DENND2B: variants seen among roughly 807,000 people sequenced by gnomAD.
DENND2B encodes the protein DENN domain containing 2B, also known as DENN domain-containing protein 2B.
Under a neutral mutation model 116.0 loss-of-function variants are expected in DENND2B, and 32 were observed. The observed-to-expected ratio is 0.28, with a 90% CI of 0.21 to 0.37. The LOEUF (loss-of-function observed/expected upper bound fraction) is 0.37. DENND2B is among the 10% of genes least tolerant of loss of function. The pLI is 1.00. For synonymous variants in DENND2B, 588 were observed against 583.9 expected (o/e 1.01, Z -0.10); for missense variants, 1,276 against 1,477.7 (o/e 0.86, Z 2.24).
intron 1 of DENND2B, among the ~76,000 whole-genome samples, chr11:8,792,110 CA>C (rs35244330): frequency 0.27 from 41,041 of 151,896 alleles, 6,227 homozygotes; most frequent in Middle Eastern, 0.42. Flanking sequence ...GAGGCTGAGG[CA>C]GGAGAATTGC....
intron 1 of DENND2B, among the ~76,000 whole-genome samples, chr11:8,798,680 G>A (rs953303012): frequency 6.6e-6 from 1 of 152,006 alleles, no homozygotes; most frequent in African/African-American, 2.4e-5. Context: ...AGCAGAATAG[G>A]CACCTACATC....
intron 19 of DENND2B, 37 bp downstream of exon 19, chr11:8,695,426 G>T (rs1168734431): frequency 6.3e-7 from 1 of 1,580,658 alleles, no homozygotes; most frequent in Non-Finnish European, 8.7e-7. Flanking sequence ...CTTCCTTCTT[G>T]CTGAACATCT....
At chr11:8,745,955 C>G (rs2051166009) in intron 2 of DENND2B, among the ~76,000 whole-genome samples, 1 of 152,194 alleles carries the variant, frequency 6.6e-6, no homozygotes, top group African/African-American at 2.4e-5. Context: ...CTTGCTGAGC[C>G]CTACCCAAAT....
intron 4 of DENND2B, among the ~76,000 whole-genome samples, chr11:8,837,118 C>T (rs2062459788): frequency 6.6e-6 from 1 of 151,928 alleles, no homozygotes; most frequent in African/African-American, 2.4e-5. Flanking sequence ...TGGAAGAAGC[C>T]AATGCAAATC....
At chr11:8,892,486 T>A (rs2064046560) in intron 1 of DENND2B, among the ~76,000 whole-genome samples, 1 of 151,454 alleles carries the variant, frequency 6.6e-6, no homozygotes, top group Admixed American at 6.6e-5. Context: ...TCAACAAAAT[T>A]GATAGACCAC....
Position 8,694,015 on chromosome 11 carries a change from A to T in DENND2B, c.*81T>A. 12 of 1,519,378 alleles carry T rather than the reference A, an allele frequency of 7.9e-6. No individual in the cohort carries two copies. The highest frequency in any genetic ancestry group is 1.0e-5 in the Non-Finnish European group (11 of 1,103,980). 94.1% of individuals were successfully genotyped at this position (1,519,378 alleles called of 1,614,324 possible). A position where few individuals can be genotyped will look rare whatever the true frequency, so the allele number is the denominator to read the frequency against. On this transcript the variant is annotated 3_prime_UTR_variant, in exon 20 of 20. Coordinates refer to ENST00000313726, the MANE Select transcript of DENND2B (RefSeq NM_213618.2). ...TCTGTGGGGGCAGAGGAGCCACAGC[A>T]GCCCAGAGGGTCCCAGGCTGGGCCT... is the stretch of plus-strand genomic sequence containing the variant.
At chr11:8,844,236 CA>C (rs11334570) in intron 3 of DENND2B, among the ~76,000 whole-genome samples, 60,384 of 151,474 alleles carry the variant, frequency 0.4, 12,383 homozygotes, top group Non-Finnish European at 0.44. Flanking sequence ...CTCAGCTCCA[CA>C]AAAAAATCGA....
At chr11:8,804,547 C>CTTCTT (rs556306412) in intron 1 of DENND2B, among the ~76,000 whole-genome samples, 22 of 129,632 alleles carry the variant, frequency 1.7e-4, no homozygotes, top group Non-Finnish European at 2.7e-4. Flanking sequence ...GCAGCTACTT[C>CTTCTT]TTTTTTTTTT....
rs954154386 is a variant in DENND2B, at chr11:8,707,279, C to T, written c.2431-54G>A. On this transcript the variant is annotated intron_variant, in intron 12 of 19. Transcript: ENST00000313726. This position sits in a 1 kb window ranked among gnomAD's most constrained non-coding sequence, Gnocchi z 4.8. Reference sequence around the variant, plus strand: ...GAAGGGTGTCAGGGCACTGCCCTTCCCCCTCCTGGCAGAGAAGAGGGCAGC... The same window carrying T: ...GAAGGGTGTCAGGGCACTGCCCTTCTCCCTCCTGGCAGAGAAGAGGGCAGC... 46 of 1,567,848 alleles carry T rather than the reference C, an allele frequency of 2.9e-5. No homozygotes were observed. In the African/African-American group the frequency reaches 5.8e-4, roughly 20 times the overall value.
intron 13 of DENND2B, chr11:8,703,499 A>C (rs2042068635): frequency 1.3e-5 from 2 of 152,410 alleles, no homozygotes; most frequent in Non-Finnish European, 2.9e-5. Context: ...TGAGGGCAGG[A>C]GGAACTGCTG....
chr11:8,811,732 T>G (rs569653977), upstream of DENND2B, among the ~76,000 whole-genome samples: 135 of 152,302 alleles, frequency 8.9e-4, no homozygotes, highest in African/African-American at 3.2e-3. Context: ...TTATTTATTA[T>G]TCTTCTTAAA....
intron 3 of DENND2B, among the ~76,000 whole-genome samples, chr11:8,727,958 TACACAAACACACACACACAC>T (rs1166675379): frequency 8.5e-6 from 1 of 117,978 alleles, no homozygotes; most frequent in South Asian, 2.9e-4. Context: ...GCTTGCATTT[TACACAAACACACACACACAC>T]ACACACACAC....
At chr11:8,861,848 T>TA (rs2063403461) in intron 2 of DENND2B, among the ~76,000 whole-genome samples, 2 of 152,018 alleles carry the variant, frequency 1.3e-5, no homozygotes, top group South Asian at 2.1e-4. Flanking sequence ...TACTCAGCCA[T>TA]AAAAAAAGAA....
intron 4 of DENND2B, chr11:8,831,963 A>C (rs2062225237): frequency 6.6e-6 from 1 of 152,060 alleles, no homozygotes; most frequent in Non-Finnish European, 1.5e-5. Flanking sequence ...GGAGACGTCC[A>C]GTTATACCAA....
intron 3 of DENND2B, among the ~76,000 whole-genome samples, chr11:8,840,993 T>G (rs928127583): frequency 1.3e-5 from 2 of 152,116 alleles, no homozygotes; most frequent in African/African-American, 4.8e-5. Context: ...GAAAAAGGCA[T>G]GAAACAAGCT....
intron 1 of DENND2B, among the ~76,000 whole-genome samples, chr11:8,768,363 C>T (rs2056261682): frequency 6.6e-6 from 1 of 152,134 alleles, no homozygotes; most frequent in Admixed American, 6.6e-5. Flanking sequence ...CCTCTTGCCT[C>T]AGCCTCCAGA....
intron 1 of DENND2B, among the ~76,000 whole-genome samples, chr11:8,765,785 C>A (rs1330109838): frequency 6.6e-6 from 1 of 152,028 alleles, no homozygotes; most frequent in Non-Finnish European, 1.5e-5. Flanking sequence ...CCCCTGTAAT[C>A]CTAGTACTTT....
chr11:8,811,061 G>C, upstream of DENND2B: 1 of 380,884 alleles, frequency 2.6e-6, no homozygotes, highest in Non-Finnish European at 4.6e-6. Flanking sequence ...ATCCCTGCCA[G>C]GGGGGAGGGA....
rs1409420944 is a variant in DENND2B at position 8,829,442 on chromosome 11, C to T, written c.-115+9868G>A. 3.3e-5 allele frequency among the ~76,000 whole-genome samples: 5 copies of T among 152,230 alleles called. 1 individual carries two copies. Among genetic ancestry groups the T allele is most frequent in the African/African-American group, 1.2e-4 (5 of 41,520 alleles). On this transcript the variant is annotated intron_variant, in intron 4 of 6. Coordinates refer to the DENND2B transcript ENST00000524757. Reference sequence around the variant, plus strand: ...ACCACACTGGAGACCCGCCAGTCTCCGGGGAGCCCCATTCAGTACTATTCA... The same window carrying T: ...ACCACACTGGAGACCCGCCAGTCTCTGGGGAGCCCCATTCAGTACTATTCA...
Sources: gnomAD v4.1 joint callset for allele counts (sites outside exome capture counted in the v4.1 genomes callset) on GRCh38, gnomAD v4.1.1 for gene constraint, Gnocchi (gnomAD v3.1) non-coding constraint, MANE v1.5 for transcripts, NCBI Gene and HGNC (gene_info 2026-07-23, HGNC 2026-07-21) for gene names.